Variants in GNE observed in about 807,000 individuals in gnomAD.
GNE encodes the protein bifunctional UDP-N-acetylglucosamine 2-epimerase/N-acetylmannosamine kinase.
In GNE, 41 loss-of-function variants were observed where a neutral mutation model predicts 61.8. The ratio of observed to expected loss-of-function variants is 0.66; its 90% CI spans 0.52 to 0.86. The LOEUF (loss-of-function observed/expected upper bound fraction) is 0.86. Among genes scored for constraint, GNE ranks in the 40% least tolerant of loss-of-function variants. The pLI is 0.00. For synonymous variants in GNE, 264 were observed against 326.4 expected, an observed-to-expected ratio of 0.81 and a Z score of 2.06; for missense variants, 608 against 909.1, an observed-to-expected ratio of 0.67 and a Z score of 4.26.
chr9:36,254,831 A>G (rs796861541), intron 1 of GNE, among the ~76,000 whole-genome samples: 5 of 151,878 alleles, frequency 3.3e-5, no homozygotes, highest in African/African-American at 1.2e-4. Flanking sequence ...AGGCGCCTGT[A>G]ATCCCAGCTA....
intron 3 of GNE, among the ~76,000 whole-genome samples, chr9:36,243,867 T>A (rs1049770137): frequency 6.6e-5 from 10 of 152,146 alleles, no homozygotes; most frequent in African/African-American, 2.4e-4. Context: ...CCTTTCCTGA[T>A]GTAATGTAAT....
intron 3 of GNE, among the ~76,000 whole-genome samples, chr9:36,245,540 G>T (rs1829835862): frequency 6.6e-6 from 1 of 151,764 alleles, no homozygotes; most frequent in African/African-American, 2.4e-5. Flanking sequence ...CGGTCATGGT[G>T]GTCCACGCTT....
chr9:36,238,310 T>C (rs1377698007), intron 3 of GNE, among the ~76,000 whole-genome samples: 5 of 152,212 alleles, frequency 3.3e-5, no homozygotes, highest in African/African-American at 4.8e-5. Context: ...AGTAGTGGAA[T>C]TGCTGGATCA....
chr9:36,266,627 A>T (rs1266916941), intron 1 of GNE, among the ~76,000 whole-genome samples: 2 of 151,976 alleles, frequency 1.3e-5, no homozygotes, highest in Non-Finnish European at 1.5e-5. Flanking sequence ...TACAAAAATT[A>T]GGCTGGGTGC....
chr9:36,249,756 T>C (rs6476540), intron 1 of GNE, among the ~76,000 whole-genome samples: 116,473 of 151,742 alleles, frequency 0.77, 45,172 homozygotes, highest in Non-Finnish European at 0.8. Flanking sequence ...TGGTGGCGGG[T>C]ACCTGTAGTC....
At chr9:36,236,047 G>A (rs143709827) in intron 4 of GNE, among the ~76,000 whole-genome samples, 3 of 152,306 alleles carry the variant, frequency 2.0e-5, no homozygotes, top group African/African-American at 7.2e-5. Context: ...GGATGAACCG[G>A]TTGGGACTGG....
chr9:36,246,611 A>G (rs1829886080), intron 2 of GNE, 129 bp from the exon 3 acceptor site: 2 of 650,038 alleles, frequency 3.1e-6, no homozygotes, highest in Non-Finnish European at 5.4e-6. Context: ...AGTATAACTT[A>G]CAAACATAAA....
At chr9:36,262,652 A>G (rs117533051), upstream of GNE, among the ~76,000 whole-genome samples, 45 of 152,344 alleles carry the variant, frequency 3.0e-4, no homozygotes, top group Non-Finnish European at 5.9e-4. Context: ...AAGCATAAAT[A>G]TAACTTCAAG....
intron 3 of GNE, among the ~76,000 whole-genome samples, chr9:36,242,439 A>T (rs1829672877): frequency 6.6e-6 from 1 of 152,194 alleles, no homozygotes; most frequent in Non-Finnish European, 1.5e-5. Flanking sequence ...TTTTGTTTTG[A>T]GACGGAGTCT....
chr9:36,217,454 C>T lies in GNE; in HGVS notation c.2080G>A (p.Val694Met), dbSNP rs935868387. The part of the protein sequence containing the change: ...RQQALSSVQD[V>M]DVVVSDLVDP... ...ACCAAATCCGAAACCACCACATCCA[C>T]GTCCTGCACGGAGGACAAGGCCTGC... Residue 694 changes from valine to methionine, a missense_variant, in exon 12 of 12, where the codon GTG (valine) becomes ATG (methionine). By Grantham distance (21) the Val-to-Met change is conservative. Coordinates refer to ENST00000642385, the MANE Select transcript of GNE (RefSeq NM_005476.7). 2.0e-5 allele frequency: 32 copies of T among 1,614,022 alleles called. No homozygotes were observed. The highest frequency in any genetic ancestry group is 2.4e-5 in the Non-Finnish European group (28 of 1,180,004).
In GNE at chr9:36,216,132, T is replaced by C. The variant is rs925546452; in HGVS notation, c.*1233A>G. 2.6e-5 allele frequency: 9 copies of C among 346,410 alleles called. No homozygotes were observed. Among genetic ancestry groups the C allele is most frequent in the Admixed American group, 9.5e-5 (3 of 31,746 alleles). 21.5% of individuals were successfully genotyped at this position (346,410 alleles called of 1,614,324 possible). On this transcript the variant is annotated 3_prime_UTR_variant, in exon 12 of 12. Transcript: ENST00000642385. The stretch of plus-strand genomic sequence containing the variant: ...GGGGATATCTGAGATGGGGGAGTGA[T>C]AGATATGTCCAGTGTCTTGATTGTG...
intron 1 of GNE, among the ~76,000 whole-genome samples, chr9:36,250,576 TCTC>T (rs1830074167): frequency 6.6e-6 from 1 of 152,148 alleles, no homozygotes; most frequent in East Asian, 1.9e-4. Flanking sequence ...TTCAAATCTA[TCTC>T]CTCCTCTTCA....
chr9:36,216,751 C>T lies in GNE; in HGVS notation c.*614G>A, dbSNP rs1828328183. The T allele has an allele frequency of 6.5e-6, 1 of 153,682 alleles. No individual in the cohort carries two copies. The highest frequency in any genetic ancestry group is 6.2e-5 in the Admixed American group (1 of 16,130). The allele number at this position is 153,682 out of a possible 1,614,324, so 9.5% of individuals were successfully genotyped here. A position where few individuals can be genotyped will look rare whatever the true frequency, so the allele number is the denominator to read the frequency against. The stretch of plus-strand genomic sequence containing the variant: ...CAGTGGTGCGGTCTCAGTTCACTGC[C>T]AGCTCCGCCTCCCTGGTTCATGCCA... On this transcript the variant is annotated 3_prime_UTR_variant, in exon 12 of 12. Coordinates refer to ENST00000642385, the MANE Select transcript of GNE (RefSeq NM_005476.7).
intron 1 of GNE, among the ~76,000 whole-genome samples, chr9:36,257,837 A>AAAAAG (rs1830444405): frequency 1.4e-5 from 2 of 146,628 alleles, no homozygotes; most frequent in Non-Finnish European, 3.0e-5. Flanking sequence ...AAAAAAAAAA[A>AAAAAG]TTGGGGTGAG....
intron 1 of GNE, among the ~76,000 whole-genome samples, chr9:36,253,800 G>A (rs1232683108): frequency 7.9e-5 from 12 of 151,728 alleles, no homozygotes; most frequent in African/African-American, 2.7e-4. Context: ...CACTTTGGGA[G>A]GCTGAGGTGG....
chr9:36,219,906 C>G lies in GNE; in HGVS notation c.1748G>C (p.Ser583Thr). ...SLDGPDCSCG[S>T]HGCIEAYASG... is the part of the protein sequence containing the mutation. ...GGCGTATGCTTCAATGCACCCATGG[C>G]TTCCACAGGAACAATCAGGCCCATC... Residue 583 changes from serine (S) to threonine (T), a missense_variant, in exon 10 of 12, where the codon AGC becomes ACC. By Grantham distance (58) the Ser-to-Thr change is moderately conservative. Coordinates refer to ENST00000642385, the MANE Select transcript of GNE (RefSeq NM_005476.7). 2 of 1,614,182 alleles carry G rather than the reference C, an allele frequency of 1.2e-6. No individual in the cohort carries two copies. Among genetic ancestry groups the G allele is most frequent in the Non-Finnish European group, 1.7e-6 (2 of 1,180,026 alleles).
At chr9:36,232,332 C>G (rs1247840151) in intron 5 of GNE, among the ~76,000 whole-genome samples, 11,248 of 133,512 alleles carry the variant, frequency 0.084, 512 homozygotes, top group African/African-American at 0.13. Context: ...ATTCTTGCCC[C>G]CCCGCCCCCC....
At chr9:36,276,204 G>A (rs1487354088) in intron 1 of GNE, among the ~76,000 whole-genome samples, 1 of 151,954 alleles carries the variant, frequency 6.6e-6, no homozygotes, top group Non-Finnish European at 1.5e-5. Flanking sequence ...GTTTGTATAA[G>A]CCATTCCTTA....
Position 36,246,381 on chromosome 9 carries a change from C to A in GNE, c.266G>T (p.Gly89Val). The A allele has an allele frequency of 6.2e-7, 1 of 1,613,712 alleles. No individual in the cohort carries two copies. Among genetic ancestry groups the A allele is most frequent in the Non-Finnish European group, 8.5e-7 (1 of 1,179,630 alleles). The change falls in exon 3 of 12, where the codon GGC becomes GTC. Residue 89 changes from glycine (G) to valine (V), a missense_variant. Transcript: ENST00000642385. ...ATCTGGCAGCTTCACTAGGGCCAGG[C>A]CTACTGACTCCACCATGGCTGCCTC... ...EDEAAMVESV[G>V]LALVKLPDVL...
Sources: gnomAD v4.1 joint callset for allele counts (sites outside exome capture counted in the v4.1 genomes callset) on GRCh38, gnomAD v4.1.1 for gene constraint, MANE v1.5 for transcripts, NCBI Gene and HGNC (gene_info 2026-07-23, HGNC 2026-07-21) for gene names.